NOL10: variants seen among roughly 807,000 people sequenced by gnomAD.
The protein encoded by NOL10 is H_NH0074G24.1.
Under a neutral mutation model 103.5 loss-of-function variants are expected in NOL10, and 58 were observed. That is an observed-to-expected ratio of 0.56 (90% confidence interval 0.45 to 0.70). The LOEUF (loss-of-function observed/expected upper bound fraction) is 0.70. Ranked by LOEUF, NOL10 falls within the 30% of genes least tolerant of loss-of-function variation. The pLI, the probability that NOL10 is intolerant of heterozygous loss-of-function variation, is 0.00. For synonymous variants in NOL10, 287 were observed against 282.5 expected, an observed-to-expected ratio of 1.02 and a Z score of -0.16; for missense variants, 763 against 807.3, an observed-to-expected ratio of 0.95 and a Z score of 0.67.
chr2:10,656,635 T>C (rs1413437007), intron 11 of NOL10, among the ~76,000 whole-genome samples: 1 of 152,240 alleles, frequency 6.6e-6, no homozygotes, highest in Non-Finnish European at 1.5e-5. Flanking sequence ...GCAGCTGAAC[T>C]GTGAGGGGCT....
At chr2:10,618,675 C>T (rs1676969719) in intron 13 of NOL10, among the ~76,000 whole-genome samples, 1 of 152,078 alleles carries the variant, frequency 6.6e-6, no homozygotes, top group Admixed American at 6.6e-5. Flanking sequence ...CCAGGAGCTA[C>T]CCTGGCTTAG....
At chr2:10,676,125 T>C (rs1681288380) in intron 3 of NOL10, among the ~76,000 whole-genome samples, 1 of 152,218 alleles carries the variant, frequency 6.6e-6, no homozygotes, top group Middle Eastern at 3.4e-3. Context: ...ATGCAAACAA[T>C]GAAACAGTTT....
chr2:10,588,008 T>C (rs1296151165), intron 19 of NOL10, among the ~76,000 whole-genome samples: 3 of 152,192 alleles, frequency 2.0e-5, no homozygotes, highest in Admixed American at 1.3e-4. Flanking sequence ...CATTCCACTA[T>C]TCTTTTAAGA....
intron 17 of NOL10, among the ~76,000 whole-genome samples, chr2:10,599,910 G>A (rs749002378): frequency 6.6e-6 from 1 of 151,930 alleles, no homozygotes; most frequent in Non-Finnish European, 1.5e-5. Context: ...CAGTCCCTGG[G>A]TATTGAAAAG....
At chr2:10,619,517 ATCTGTTAAAGTTC>A (rs1455081126) in intron 13 of NOL10, among the ~76,000 whole-genome samples, 1 of 152,216 alleles carries the variant, frequency 6.6e-6, no homozygotes, top group Non-Finnish European at 1.5e-5. Flanking sequence ...CATAAAACAT[ATCTGTTAAAGTTC>A]TCTTTTAAAT....
At chr2:10,665,016 A>G (rs1680484999) in intron 8 of NOL10, among the ~76,000 whole-genome samples, 1 of 152,260 alleles carries the variant, frequency 6.6e-6, no homozygotes, top group Admixed American at 6.5e-5. Flanking sequence ...AAACATAAAC[A>G]AAGATGTTTT....
chr2:10,638,374 G>A (rs1010745268), intron 13 of NOL10, among the ~76,000 whole-genome samples: 3 of 136,076 alleles, frequency 2.2e-5, no homozygotes, highest in Non-Finnish European at 4.6e-5. Context: ...GTACCTAACT[G>A]CCATTCTTGA....
intron 13 of NOL10, among the ~76,000 whole-genome samples, chr2:10,632,696 C>T (rs1677926872): frequency 6.6e-6 from 1 of 152,088 alleles, no homozygotes; most frequent in Admixed American, 6.6e-5. Flanking sequence ...AACTTTATTC[C>T]ATGTAAATTT....
At chr2:10,624,381 G>A (rs1392092732) in intron 13 of NOL10, among the ~76,000 whole-genome samples, 1 of 151,810 alleles carries the variant, frequency 6.6e-6, no homozygotes, top group African/African-American at 2.4e-5. Flanking sequence ...GCCCCAAGTG[G>A]AGCAGAACAG....
At chr2:10,625,077 C>T (rs1677376212) in intron 13 of NOL10, among the ~76,000 whole-genome samples, 1 of 152,136 alleles carries the variant, frequency 6.6e-6, no homozygotes, top group Non-Finnish European at 1.5e-5. Flanking sequence ...AAAAGCAAAA[C>T]TAGAGACAGT....
At chr2:10,668,335 C>G (rs1680685527) in intron 7 of NOL10, among the ~76,000 whole-genome samples, 1 of 152,014 alleles carries the variant, frequency 6.6e-6, no homozygotes, top group African/African-American at 2.4e-5. Flanking sequence ...CAAATTAATT[C>G]AAAAGTTCTC....
intron 4 of NOL10, among the ~76,000 whole-genome samples, chr2:10,675,276 A>G (rs1681225163): frequency 6.6e-6 from 1 of 152,150 alleles, no homozygotes; most frequent in African/African-American, 2.4e-5. Context: ...GCTGGCTTGA[A>G]GGTGGAGGTG....
intron 1 of NOL10, 41 bp downstream of exon 1, chr2:10,689,755 C>G (rs1464388469): frequency 1.9e-5 from 30 of 1,566,140 alleles, no homozygotes; most frequent in Non-Finnish European, 2.4e-5. Context: ...GGAGGACGAC[C>G]CCCAAGAGCT....
chr2:10,629,648 G>A (rs1226788361), intron 13 of NOL10, among the ~76,000 whole-genome samples: 2 of 152,136 alleles, frequency 1.3e-5, no homozygotes, highest in Non-Finnish European at 2.9e-5. Context: ...ACAACCAGAT[G>A]TTATCACTGC....
At chr2:10,670,078 A>G (rs960131786) in intron 6 of NOL10, among the ~76,000 whole-genome samples, 6 of 152,078 alleles carry the variant, frequency 3.9e-5, no homozygotes, top group Admixed American at 3.3e-4. Context: ...CCAAAAAGGT[A>G]CTTAGAATAA....
intron 9 of NOL10, 90 bp from the exon 10 acceptor site, chr2:10,659,340 ATG>A (rs747077413): frequency 6.6e-4 from 92 of 138,484 alleles, no homozygotes; most frequent in Non-Finnish European, 1.0e-3. Context: ...TTCAAATCTA[ATG>A]GGGGGGGGGG....
intron 13 of NOL10, among the ~76,000 whole-genome samples, chr2:10,635,932 C>A (rs953471204): frequency 6.6e-6 from 1 of 151,566 alleles, no homozygotes; most frequent in Admixed American, 6.5e-5. Context: ...GTCACCCAGG[C>A]TGGAGTGCGG....
chr2:10,681,689 T>G (rs1226841294), intron 3 of NOL10, among the ~76,000 whole-genome samples: 2 of 152,208 alleles, frequency 1.3e-5, no homozygotes, highest in Non-Finnish European at 1.5e-5. Context: ...TGAAGTATAC[T>G]GGTATCTTCA....
At chr2:10,606,157 C>T (rs143699908) in intron 14 of NOL10, among the ~76,000 whole-genome samples, 106 of 151,106 alleles carry the variant, frequency 7.0e-4, no homozygotes, top group African/African-American at 2.4e-3. Flanking sequence ...GGAAAGGGCA[C>T]GGACTCTTGG....
Sources: gnomAD v4.1 joint callset for allele counts (sites outside exome capture counted in the v4.1 genomes callset) on GRCh38, gnomAD v4.1.1 for gene constraint, MANE v1.5 for transcripts, NCBI Gene and HGNC (gene_info 2026-07-23, HGNC 2026-07-21) for gene names.